The following TENT2 variants were observed in gnomAD, a reference collection of about 807,000 sequenced individuals.
TENT2 encodes terminal nucleotidyltransferase 2.
In TENT2, 44 loss-of-function variants were observed where a neutral mutation model predicts 72.2. The ratio of observed to expected loss-of-function variants is 0.61; its 90% confidence interval spans 0.48 to 0.78. The LOEUF (loss-of-function observed/expected upper bound fraction) is 0.78. TENT2 is among the 30% of genes least tolerant of loss of function. The pLI, the probability that TENT2 is intolerant of heterozygous loss-of-function variation, is 0.00. For missense variants in TENT2, 541 were observed against 569.6 expected (o/e 0.95, Z 0.51); for synonymous variants, 212 against 192.5 (o/e 1.10, Z -0.84).
Position 79,624,395 on chromosome 5 carries a change from C to T in TENT2, c.465+906C>T, listed in dbSNP as rs750836913. On this transcript the variant is annotated intron_variant, in intron 4 of 14. Transcript: ENST00000453514. ...CCTTAGTTGTGCTGCTTTTTTATTCCTCTATTATTCTTTTGTTCTTTAATT... is the reference window on the plus strand; with the variant it reads ...CCTTAGTTGTGCTGCTTTTTTATTCTTCTATTATTCTTTTGTTCTTTAATT... 1.6e-4 allele frequency among the ~76,000 whole-genome samples: 25 copies of T among 152,066 alleles called. 1 individual carries two copies. Among genetic ancestry groups the T allele is most frequent in the Admixed American group, 6.5e-4 (10 of 15,270 alleles).
chr5:79,673,073 G>A (rs1188377037), intron 12 of TENT2, among the ~76,000 whole-genome samples: 1 of 152,120 alleles, frequency 6.6e-6, no homozygotes, highest in Non-Finnish European at 1.5e-5. Flanking sequence ...CATATACCTC[G>A]TTGCTCTTTG....
intron 4 of TENT2, among the ~76,000 whole-genome samples, chr5:79,625,603 G>A (rs1407338848): frequency 6.6e-6 from 1 of 151,992 alleles, no homozygotes; most frequent in Non-Finnish European, 1.5e-5. Context: ...TTAGGACTTT[G>A]ATCCATTTTG....
At chr5:79,668,578 A>G (rs553898682) in intron 11 of TENT2, 1 of 217,924 alleles carries the variant, frequency 4.6e-6, no homozygotes, top group Non-Finnish European at 9.2e-6. Context: ...TCTATATGGT[A>G]TTGGGTAGAT....
At chr5:79,648,110 T>C (rs1463215600) in intron 8 of TENT2, among the ~76,000 whole-genome samples, 1 of 152,172 alleles carries the variant, frequency 6.6e-6, no homozygotes, top group Non-Finnish European at 1.5e-5. Context: ...AGAAATGTTT[T>C]TGGTCACATA....
chr5:79,622,837 C>G (rs1766201136), intron 3 of TENT2, among the ~76,000 whole-genome samples: 1 of 152,104 alleles, frequency 6.6e-6, no homozygotes, highest in Non-Finnish European at 1.5e-5. Context: ...GCTGATGAGT[C>G]AGAACATAGG....
chr5:79,616,979 G>T (rs1760718831), intron 1 of TENT2, among the ~76,000 whole-genome samples: 1 of 152,044 alleles, frequency 6.6e-6, no homozygotes, highest in African/African-American at 2.4e-5. Context: ...CAATGTTTGT[G>T]AGGGATTTAT....
In TENT2 at chr5:79,637,950, A is replaced by T. The variant is rs188279218; in HGVS notation, c.466-2901A>T. Among the ~76,000 whole-genome samples, 20 of 151,950 alleles carry T rather than the reference A, an allele frequency of 1.3e-4. No individual in the cohort carries two copies. The East Asian group carries it at 3.9e-3, about 29-fold the overall frequency. ...ATAGCTGGGACTACAGGCACGTGCC[A>T]CTGTTCCCGGCTAATTTTTTTGTAT... On this transcript the variant is annotated intron_variant, in intron 4 of 14. Coordinates refer to ENST00000453514, the MANE Select transcript of TENT2 (RefSeq NM_001114394.3).
At chr5:79,684,627 C>T (rs1418232246) in intron 14 of TENT2, among the ~76,000 whole-genome samples, 1 of 152,154 alleles carries the variant, frequency 6.6e-6, no homozygotes, top group East Asian at 1.9e-4. Flanking sequence ...TGAAATAATC[C>T]TCTCTTCTCA....
chr5:79,685,254 C>A lies in TENT2; in HGVS notation c.1436C>A (p.Ala479Asp). 6.2e-7 allele frequency: 1 copy of A among 1,600,250 alleles called. No individual in the cohort carries two copies. The highest frequency in any genetic ancestry group is 8.5e-7 in the Non-Finnish European group (1 of 1,175,580). Residue 479 changes from alanine (A) to aspartate (D), a missense_variant, in exon 15 of 15, where the codon GCT becomes GAT. By Grantham distance (126) the Ala-to-Asp change is moderately radical. Transcript: ENST00000453514. ...TTGAACAGTATACTACCTGTAAGAGCTGCTGTCCTGAAAAGATAACTGGCC... is the reference window on the plus strand; with the variant it reads ...TTGAACAGTATACTACCTGTAAGAGATGCTGTCCTGAAAAGATAACTGGCC... ...RDLNSILPVR[A>D]AVLKR
intron 14 of TENT2, among the ~76,000 whole-genome samples, chr5:79,684,669 A>G (rs1156406533): frequency 4.6e-5 from 7 of 152,210 alleles, no homozygotes; most frequent in African/African-American, 1.7e-4. Context: ...TTACCTTGCT[A>G]CTTTTAGATT....
At chr5:79,677,198 C>T (rs963470643) in intron 12 of TENT2, among the ~76,000 whole-genome samples, 8 of 152,022 alleles carry the variant, frequency 5.3e-5, no homozygotes, top group Non-Finnish European at 1.0e-4. Flanking sequence ...TGAATCAGTC[C>T]AAATAGTAGT....
chr5:79,659,860 A>G (rs950454783), intron 11 of TENT2, among the ~76,000 whole-genome samples: 1 of 147,860 alleles, frequency 6.8e-6, no homozygotes, highest in Admixed American at 6.8e-5. Flanking sequence ...ATTTGTATAC[A>G]TCTGATTGTT....
At chr5:79,671,413 T>TC (rs2150713233) in intron 12 of TENT2, among the ~76,000 whole-genome samples, 1 of 151,942 alleles carries the variant, frequency 6.6e-6, no homozygotes, top group African/African-American at 2.4e-5. Flanking sequence ...CTTTTTCTTT[T>TC]TTTTTTTTTG....
rs1443049844 is a variant in TENT2 at position 79,683,341 on chromosome 5, A to ACC, written c.1380+1283_1380+1284dup. 4.9e-5 allele frequency among the ~76,000 whole-genome samples: 7 copies of ACC among 142,840 alleles called. No homozygotes were observed. The East Asian group carries it at 6.2e-4, about 13-fold the overall frequency. 93.7% of individuals were successfully genotyped at this position (142,840 alleles called of 152,430 possible). A position where few individuals can be genotyped will look rare whatever the true frequency, so the allele number is the denominator to read the frequency against. On this transcript the variant is annotated intron_variant, in intron 14 of 14. Transcript: ENST00000453514. ...CACACACACACACACACACACACACACCCCACCTCACCTCACCCCACCCCT... is the reference window on the plus strand; with the variant it reads ...CACACACACACACACACACACACACACCCCCCACCTCACCTCACCCCACCCCT...
In TENT2 at chr5:79,650,223, A is replaced by G. The variant is rs7736627; in HGVS notation, c.1027+1033A>G. On this transcript the variant is annotated intron_variant, in intron 10 of 14. Transcript: ENST00000453514. ...TATATAATACTCATTTCTTCATTCT[A>G]TGAATATGTATAGAATACCTACCAA... 5.7e-3 allele frequency among the ~76,000 whole-genome samples: 870 copies of G among 152,242 alleles called. 8 individuals carry two copies. Among genetic ancestry groups the G allele is most frequent in the African/African-American group, 0.018 (766 of 41,564 alleles).
At chr5:79,659,116 A>T (rs918893599) in intron 11 of TENT2, among the ~76,000 whole-genome samples, 3 of 152,178 alleles carry the variant, frequency 2.0e-5, no homozygotes, top group East Asian at 3.9e-4. Context: ...GTTTACATGG[A>T]TAGGGACTTA....
At chr5:79,622,135 G>A (rs1394752253) in intron 3 of TENT2, among the ~76,000 whole-genome samples, 1 of 151,832 alleles carries the variant, frequency 6.6e-6, no homozygotes, top group African/African-American at 2.4e-5. Flanking sequence ...ACCCCATCTC[G>A]ACTAAAAACA....
In TENT2 at chr5:79,686,949, TCATTATAAG is replaced by T. The variant is rs1215483529; in HGVS notation, c.*1682_*1690del. On this transcript the variant is annotated 3_prime_UTR_variant, in exon 15 of 15. Coordinates refer to ENST00000453514, the MANE Select transcript of TENT2 (RefSeq NM_001114394.3). ...TAATATTCTAGTGATGACTGGGTAA[TCATTATAAG>T]CATTAGTCATAGTACTATTCAGTAA... Among the ~76,000 whole-genome samples the T allele has an allele frequency of 1.3e-5, 2 of 152,188 alleles. No homozygotes were observed. Among genetic ancestry groups the T allele is most frequent in the Non-Finnish European group, 2.9e-5 (2 of 68,028 alleles).
chr5:79,648,863 C>A (rs1791265896), intron 9 of TENT2, 170 bp downstream of exon 9: 1 of 805,962 alleles, frequency 1.2e-6, no homozygotes, highest in Non-Finnish European at 1.9e-6. Flanking sequence ...ATAGGTGAAT[C>A]AAGTGGCATT....
Sources: allele counts gnomAD v4.1 joint callset (sites outside exome capture counted in the v4.1 genomes callset), GRCh38; gene constraint gnomAD v4.1.1; transcripts MANE v1.5; gene names NCBI Gene and HGNC (gene_info 2026-07-23, HGNC 2026-07-21).